Variants in SLC39A11 observed in about 807,000 individuals in gnomAD.
SLC39A11 encodes zinc transporter ZIP11.
SLC39A11 carries 33 observed loss-of-function variants against 36.1 expected under a neutral mutation model. That is an observed-to-expected ratio of 0.91 (90% CI 0.69 to 1.22). The LOEUF is 1.22. Ranked by LOEUF, SLC39A11 falls within the 50% of genes most tolerant of loss-of-function variation. The pLI is 0.00. For synonymous variants in SLC39A11, 166 were observed against 170.3 expected, an observed-to-expected ratio of 0.97 and a Z score of 0.20; for missense variants, 432 against 430.3, an observed-to-expected ratio of 1.00 and a Z score of -0.03.
chr17:72,675,752 C>T (rs771717474), intron 7 of SLC39A11, among the ~76,000 whole-genome samples: 4 of 152,136 alleles, frequency 2.6e-5, no homozygotes, highest in South Asian at 2.1e-4. Flanking sequence ...GGCGCAATCT[C>T]GGCTCACCGC....
chr17:72,750,100 T>A (rs74707884), intron 6 of SLC39A11, among the ~76,000 whole-genome samples: 3,766 of 152,186 alleles, frequency 0.025, 142 homozygotes, highest in African/African-American at 0.084. Context: ...CAGGTGAACC[T>A]CTGCAGCAGG....
chr17:72,880,232 G>A (rs1013771635), intron 5 of SLC39A11, among the ~76,000 whole-genome samples: 2 of 152,216 alleles, frequency 1.3e-5, no homozygotes, highest in African/African-American at 2.4e-5. Context: ...AATGACAGAG[G>A]ACAGCAAAGT....
At chr17:72,726,529 C>T (rs772323048) in intron 7 of SLC39A11, among the ~76,000 whole-genome samples, 1 of 152,172 alleles carries the variant, frequency 6.6e-6, no homozygotes, top group Non-Finnish European at 1.5e-5. Flanking sequence ...CACAAACACA[C>T]ACACACACAA....
At chr17:72,810,215 T>G (rs1036459163) in intron 6 of SLC39A11, among the ~76,000 whole-genome samples, 1 of 152,150 alleles carries the variant, frequency 6.6e-6, no homozygotes, top group Admixed American at 6.5e-5. Flanking sequence ...GCTTAACACA[T>G]GCTTATGCTA....
At chr17:73,048,279 C>T (rs1292527292) in intron 3 of SLC39A11, among the ~76,000 whole-genome samples, 1 of 151,984 alleles carries the variant, frequency 6.6e-6, no homozygotes, top group Non-Finnish European at 1.5e-5. Flanking sequence ...TAAGTGAGAA[C>T]AGGCGGTATT....
At chr17:72,964,068 G>GC (rs1199361910) in intron 4 of SLC39A11, among the ~76,000 whole-genome samples, 3 of 151,916 alleles carry the variant, frequency 2.0e-5, no homozygotes, top group African/African-American at 7.3e-5. Context: ...TGCTAGTGGC[G>GC]CCCCCCGAGG....
chr17:72,646,396 T>C lies in SLC39A11; in HGVS notation c.*1188A>G, dbSNP rs1277178865. The C allele has an allele frequency of 2.6e-5, 4 of 152,280 alleles. No individual in the cohort carries two copies. Among genetic ancestry groups the C allele is most frequent in the Admixed American group, 6.5e-5 (1 of 15,288 alleles). 9.4% of individuals were successfully genotyped at this position (152,280 alleles called of 1,614,324 possible). On this transcript the variant is annotated 3_prime_UTR_variant, in exon 10 of 10. Transcript: ENST00000255559. ...AGTGGACAGGTCATTGCTACCCCTG[T>C]TGGAGAAGCTATGTAAGAAGGAGTA...
intron 6 of SLC39A11, among the ~76,000 whole-genome samples, chr17:72,811,660 A>T (rs2077438904): frequency 6.6e-6 from 1 of 152,198 alleles, no homozygotes; most frequent in African/African-American, 2.4e-5. Flanking sequence ...CTCTTACAAC[A>T]AAGAGGTGAA....
intron 7 of SLC39A11, among the ~76,000 whole-genome samples, chr17:72,675,275 C>T (rs947015809): frequency 6.6e-6 from 1 of 152,110 alleles, no homozygotes; most frequent in African/African-American, 2.4e-5. Flanking sequence ...AAAAGAAACC[C>T]CAGTGAGCTA....
chr17:72,912,958 G>A (rs190020405), intron 5 of SLC39A11, among the ~76,000 whole-genome samples: 3 of 152,260 alleles, frequency 2.0e-5, no homozygotes. Context: ...CCCAGATGTG[G>A]TGTCAGGACG....
intron 5 of SLC39A11, among the ~76,000 whole-genome samples, chr17:72,894,439 G>A (rs1376589664): frequency 2.7e-5 from 4 of 149,084 alleles, no homozygotes; most frequent in East Asian, 2.0e-4. Context: ...GGAGGCTGAG[G>A]TGGGCAGATC....
intron 6 of SLC39A11, among the ~76,000 whole-genome samples, chr17:72,816,228 G>A (rs929565752): frequency 6.6e-6 from 1 of 152,214 alleles, no homozygotes; most frequent in Non-Finnish European, 1.5e-5. Flanking sequence ...GATGGGACTT[G>A]AACTTAGGAA....
intron 7 of SLC39A11, among the ~76,000 whole-genome samples, chr17:72,660,478 G>A (rs1057260249): frequency 5.9e-5 from 9 of 152,338 alleles, no homozygotes; most frequent in African/African-American, 1.7e-4. Context: ...TGGCCCTGAA[G>A]GTTGTGGAGC....
chr17:72,886,595 T>C (rs1450646347), intron 5 of SLC39A11, among the ~76,000 whole-genome samples: 1 of 152,182 alleles, frequency 6.6e-6, no homozygotes, highest in Non-Finnish European at 1.5e-5. Flanking sequence ...GTCCGCCAGC[T>C]CCCAGAATCT....
intron 1 of SLC39A11, 144 bp from the exon 2 acceptor site, chr17:73,088,919 C>A: frequency 1.6e-6 from 1 of 635,438 alleles, no homozygotes; most frequent in Non-Finnish European, 2.9e-6. Context: ...CATCTGTGTC[C>A]CTCAGCCACC....
intron 4 of SLC39A11, among the ~76,000 whole-genome samples, chr17:72,961,619 T>G (rs1188556106): frequency 2.0e-5 from 3 of 151,796 alleles, no homozygotes; most frequent in South Asian, 2.1e-4. Context: ...ACCATCACTC[T>G]CAGCAAACTA....
intron 4 of SLC39A11, among the ~76,000 whole-genome samples, chr17:72,995,079 C>T (rs2089427487): frequency 6.6e-6 from 1 of 152,158 alleles, no homozygotes; most frequent in African/African-American, 2.4e-5. Flanking sequence ...ACAGCCCTGC[C>T]TTCCTGTCTT....
chr17:72,652,211 T>C (rs1442020587), intron 7 of SLC39A11, among the ~76,000 whole-genome samples: 2 of 152,232 alleles, frequency 1.3e-5, no homozygotes, highest in Non-Finnish European at 2.9e-5. Flanking sequence ...GGCTGCAGTT[T>C]GCTGACCCCT....
chr17:72,673,154 C>T (rs1208763137), intron 7 of SLC39A11, among the ~76,000 whole-genome samples: 1 of 152,102 alleles, frequency 6.6e-6, no homozygotes, highest in East Asian at 1.9e-4. Context: ...GTCACCCAGG[C>T]TGGAGAGCAA....
Sources: allele counts gnomAD v4.1 joint callset (sites outside exome capture counted in the v4.1 genomes callset), GRCh38; gene constraint gnomAD v4.1.1; transcripts MANE v1.5; gene names NCBI Gene and HGNC (gene_info 2026-07-23, HGNC 2026-07-21).